The following LRRTM4 variants were observed in gnomAD, a reference collection of about 807,000 sequenced individuals.
The protein encoded by LRRTM4 is leucine-rich repeat transmembrane neuronal protein 4.
In LRRTM4, 25 loss-of-function variants were observed where a neutral mutation model predicts 47.6. That is an observed-to-expected ratio of 0.53 (90% CI 0.38 to 0.73). The LOEUF (loss-of-function observed/expected upper bound fraction) is 0.73, where lower values mean the gene tolerates loss of function less well. Ranked by LOEUF, LRRTM4 falls within the 30% of genes least tolerant of loss-of-function variation. The pLI is 0.00. For synonymous variants in LRRTM4, 311 were observed against 269.5 expected, an observed-to-expected ratio of 1.15 and a Z score of -1.51; for missense variants, 638 against 713.4, an observed-to-expected ratio of 0.89 and a Z score of 1.20.
intron 3 of LRRTM4, among the ~76,000 whole-genome samples, chr2:77,086,871 C>T (rs28739330): frequency 0.43 from 65,630 of 151,840 alleles, 17,221 homozygotes; most frequent in African/African-American, 0.72. Context: ...CACAATTCAA[C>T]GTCAGAAAAC....
chr2:76,920,193 A>G (rs1356132075), intron 3 of LRRTM4, among the ~76,000 whole-genome samples: 1 of 152,142 alleles, frequency 6.6e-6, no homozygotes, highest in Admixed American at 6.6e-5. Context: ...TAATGGAAAT[A>G]GTTAATTTGT....
chr2:77,228,670 G>C (rs1674879811), intron 3 of LRRTM4, among the ~76,000 whole-genome samples: 1 of 152,218 alleles, frequency 6.6e-6, no homozygotes, highest in African/African-American at 2.4e-5. Context: ...TTAAAGCTGA[G>C]TTAGCAAGAT....
At chr2:77,025,391 AG>A (rs1678419453) in intron 3 of LRRTM4, among the ~76,000 whole-genome samples, 1 of 152,028 alleles carries the variant, frequency 6.6e-6, no homozygotes, top group African/African-American at 2.4e-5. Context: ...ATCTTGGAGG[AG>A]GTCTTGGGTA....
At chr2:77,005,203 G>A (rs1677593470) in intron 3 of LRRTM4, among the ~76,000 whole-genome samples, 1 of 152,096 alleles carries the variant, frequency 6.6e-6, no homozygotes, top group Non-Finnish European at 1.5e-5. Context: ...GGAGTACAGT[G>A]GCATGATCTC....
intron 3 of LRRTM4, among the ~76,000 whole-genome samples, chr2:76,875,063 C>G (rs987112993): frequency 6.6e-6 from 1 of 151,928 alleles, no homozygotes; most frequent in Non-Finnish European, 1.5e-5. Context: ...ATTTTAATGT[C>G]TATAGATTCT....
chr2:76,932,591 TC>T (rs954877005), intron 3 of LRRTM4, among the ~76,000 whole-genome samples: 11 of 152,120 alleles, frequency 7.2e-5, no homozygotes, highest in African/African-American at 2.7e-4. Context: ...TATGTTTCAT[TC>T]TTGTAAATAG....
intron 3 of LRRTM4, among the ~76,000 whole-genome samples, chr2:77,334,192 G>T (rs554638549): frequency 6.6e-6 from 1 of 152,246 alleles, no homozygotes; most frequent in Admixed American, 6.5e-5. Context: ...GACTTGCCTT[G>T]TCTCAGATGA....
rs549120068 is a variant in LRRTM4 at position 76,936,934 on chromosome 2, G to T, written c.1552-188018C>A. Among the ~76,000 whole-genome samples, 4 of 102,266 alleles carry T rather than the reference G, an allele frequency of 3.9e-5. No individual in the cohort carries two copies. The South Asian group carries it at 1.4e-3, about 35-fold the overall frequency. 67.1% of individuals were successfully genotyped at this position (102,266 alleles called of 152,430 possible). A position where few individuals can be genotyped will look rare whatever the true frequency, so the allele number is the denominator to read the frequency against. On this transcript the variant is annotated intron_variant, in intron 3 of 3. Coordinates refer to ENST00000409884, the MANE Select transcript of LRRTM4 (RefSeq NM_001134745.3). ...GGCATCACTGCACTCCAGCCTGGGC[G>T]ACAGAGCAAGACTCCATCTCAAAAA...
At chr2:77,018,777 T>C (rs10183094) in intron 3 of LRRTM4, among the ~76,000 whole-genome samples, 3 of 53,156 alleles carry the variant, frequency 5.6e-5, no homozygotes, top group East Asian at 8.1e-4. Flanking sequence ...AAGTTTAAGT[T>C]CTTTGATGAA....
intron 3 of LRRTM4, among the ~76,000 whole-genome samples, chr2:77,299,025 TA>T (rs1677050042): frequency 2.0e-5 from 3 of 152,022 alleles, no homozygotes; most frequent in South Asian, 4.1e-4. Flanking sequence ...TACAAAACAG[TA>T]TACAAGAAGG....
chr2:76,900,532 A>G (rs1346641865), intron 3 of LRRTM4, among the ~76,000 whole-genome samples: 2 of 152,150 alleles, frequency 1.3e-5, no homozygotes, highest in Admixed American at 6.6e-5. Flanking sequence ...AAAGCATAAA[A>G]TAGTTCCTGG....
At chr2:76,847,824 A>T (rs976033816) in intron 3 of LRRTM4, among the ~76,000 whole-genome samples, 1 of 152,172 alleles carries the variant, frequency 6.6e-6, no homozygotes, top group African/African-American at 2.4e-5. Context: ...ATAAAATTTT[A>T]TAAACATTTA....
chr2:77,409,293 G>A (rs1046570299), intron 3 of LRRTM4, among the ~76,000 whole-genome samples: 3 of 152,092 alleles, frequency 2.0e-5, no homozygotes, highest in Non-Finnish European at 2.9e-5. Context: ...TGTACAGAAC[G>A]GAATTCTATT....
intron 3 of LRRTM4, among the ~76,000 whole-genome samples, chr2:77,074,587 C>T (rs1420369812): frequency 1.3e-5 from 2 of 152,028 alleles, no homozygotes; most frequent in Non-Finnish European, 2.9e-5. Context: ...CCCATTTTTA[C>T]ATATGTGTAT....
intron 3 of LRRTM4, among the ~76,000 whole-genome samples, chr2:77,363,699 A>T (rs1279907768): frequency 6.6e-6 from 1 of 152,196 alleles, no homozygotes; most frequent in Non-Finnish European, 1.5e-5. Flanking sequence ...ATTATCATGA[A>T]GTCCTTGATA....
chr2:76,819,910 C>A (rs988927156), intron 3 of LRRTM4, among the ~76,000 whole-genome samples: 3 of 151,936 alleles, frequency 2.0e-5, no homozygotes, highest in Non-Finnish European at 2.9e-5. Flanking sequence ...ACTGTGTGAT[C>A]TGAGTCTTCA....
chr2:77,068,154 T>G (rs921500300), intron 3 of LRRTM4, among the ~76,000 whole-genome samples: 1 of 152,190 alleles, frequency 6.6e-6, no homozygotes, highest in Non-Finnish European at 1.5e-5. Flanking sequence ...TAATCTATTA[T>G]GGAAATAAGA....
At chr2:76,975,090 A>C in intron 3 of LRRTM4, among the ~76,000 whole-genome samples, 1 of 151,824 alleles carries the variant, frequency 6.6e-6, no homozygotes, top group African/African-American at 2.4e-5. Context: ...AAACAAACAA[A>C]CCAACAAAAA....
At chr2:76,780,876 C>T (rs1359746051) in intron 3 of LRRTM4, among the ~76,000 whole-genome samples, 1 of 149,406 alleles carries the variant, frequency 6.7e-6, no homozygotes, top group East Asian at 1.9e-4. Flanking sequence ...TGTTTTTTCC[C>T]CGTCTTTGTG....
Sources: allele counts gnomAD v4.1 joint callset (sites outside exome capture counted in the v4.1 genomes callset), GRCh38; gene constraint gnomAD v4.1.1; transcripts MANE v1.5; gene names NCBI Gene and HGNC (gene_info 2026-07-23, HGNC 2026-07-21).